Variants in TMEM40 observed in about 807,000 individuals in gnomAD.
The protein encoded by TMEM40 is transmembrane protein 40.
A neutral mutation model predicts 40.8 loss-of-function variants in TMEM40; 34 were observed. That is an observed-to-expected ratio of 0.83 (90% confidence interval 0.63 to 1.11). The LOEUF is 1.11. Ranked by LOEUF, TMEM40 falls within the 50% of genes least tolerant of loss-of-function variation. The probability of loss-of-function intolerance (pLI) is 0.00; values close to 1 mark genes in which losing one functional copy is unlikely to be tolerated. For missense variants in TMEM40, 296 were observed against 280.2 expected (o/e 1.06, Z -0.40); for synonymous variants, 106 against 107.0 (o/e 0.99, Z 0.06).
At chr3:12,738,775 A>C (rs1185785744) in intron 5 of TMEM40, 187 bp from the exon 6 acceptor site, 1 of 601,512 alleles carries the variant, frequency 1.7e-6, no homozygotes, top group East Asian at 2.8e-5. Flanking sequence ...CCAGCCACAG[A>C]AAGCTGCTGT....
At position 12,751,787 on chromosome 3, in the gene TMEM40, T is replaced by C. The variant is rs144822492; in HGVS notation, c.-8-1947A>G. Among the ~76,000 whole-genome samples the C allele has an allele frequency of 9.0e-3, 1,364 of 152,254 alleles. 13 individuals are homozygous for C. The highest frequency in any genetic ancestry group is 0.015 in the Non-Finnish European group (1,037 of 68,010). ...GCTGAGATCATCTCTAATGAAGGCA[T>C]TTCAGCTAGAGTGGAGGAAGAGTTG... On this transcript the variant is annotated intron_variant, in intron 1 of 11. Coordinates refer to ENST00000314124, the MANE Select transcript of TMEM40 (RefSeq NM_018306.4).
chr3:12,743,996 G>A lies in TMEM40; in HGVS notation c.212-7C>T, dbSNP rs141807836. ...TGGTCCTCATCATTGCTCTCTGCGG[G>A]TAACAAACACAAGCTGTAGGAGAAG... On this transcript the variant is annotated splice_polypyrimidine_tract_variant and splice_region_variant and intron_variant, in intron 3 of 11. Coordinates refer to ENST00000314124, the MANE Select transcript of TMEM40 (RefSeq NM_018306.4). The A allele has an allele frequency of 3.6e-3, 5,870 of 1,609,822 alleles. 11 individuals are homozygous for A. Among genetic ancestry groups the A allele is most frequent in the Non-Finnish European group, 4.4e-3 (5,224 of 1,178,214 alleles).
chr3:12,737,911 C>T, intron 7 of TMEM40, 157 bp from the exon 8 acceptor site: 1 of 917,018 alleles, frequency 1.1e-6, no homozygotes, highest in Non-Finnish European at 1.7e-6. Flanking sequence ...GATGGGGGTA[C>T]TGTCCTTGGA....
At chr3:12,745,051 A>T (rs918457379) in intron 3 of TMEM40, among the ~76,000 whole-genome samples, 1 of 152,158 alleles carries the variant, frequency 6.6e-6, no homozygotes, top group Non-Finnish European at 1.5e-5. Context: ...TAGAAAATAA[A>T]GTAAAAATTA....
chr3:12,741,753 A>G (rs1158265554), intron 5 of TMEM40, among the ~76,000 whole-genome samples: 2 of 141,810 alleles, frequency 1.4e-5, no homozygotes, highest in East Asian at 3.9e-4. Flanking sequence ...ACCAGATTAT[A>G]CTTGTTTTTG....
At chr3:12,744,959 C>G (rs1406670744) in intron 3 of TMEM40, among the ~76,000 whole-genome samples, 1 of 152,062 alleles carries the variant, frequency 6.6e-6, no homozygotes, top group Admixed American at 6.5e-5. Flanking sequence ...TTCTTCTTTT[C>G]TATATTTTAC....
upstream of TMEM40, among the ~76,000 whole-genome samples, chr3:12,764,209 C>T (rs902164973): frequency 1.3e-5 from 2 of 152,152 alleles, no homozygotes; most frequent in South Asian, 2.1e-4. Flanking sequence ...CTGCCGTGCC[C>T]GGCTACATGA....
At chr3:12,746,659 C>T (rs941646896) in intron 3 of TMEM40, among the ~76,000 whole-genome samples, 5 of 152,170 alleles carry the variant, frequency 3.3e-5, no homozygotes, top group Admixed American at 6.5e-5. Context: ...GGCAGCAGGT[C>T]AGTCACCGTA....
rs913879963 is a variant in TMEM40, at chr3:12,734,141, C to T, written c.*633G>A. On this transcript the variant is annotated 3_prime_UTR_variant, in exon 12 of 12. Coordinates refer to ENST00000314124, the MANE Select transcript of TMEM40 (RefSeq NM_018306.4). Reference sequence around the variant, plus strand: ...GTTGCCCAGGTTGGTCTTGAACTCTCAGCTTCAAGCGACCCTTAGCCTGAG... The same window carrying T: ...GTTGCCCAGGTTGGTCTTGAACTCTTAGCTTCAAGCGACCCTTAGCCTGAG... 1 of 152,214 alleles carries T rather than the reference C, an allele frequency of 6.6e-6. No homozygotes were observed. Among genetic ancestry groups the T allele is most frequent in the African/African-American group, 2.4e-5 (1 of 41,404 alleles). The allele number at this position is 152,214 out of a possible 1,614,324, so 9.4% of individuals were successfully genotyped here. A position where few individuals can be genotyped will look rare whatever the true frequency, so the allele number is the denominator to read the frequency against.
At chr3:12,734,874 G>C (rs1475639335) in intron 11 of TMEM40, 81 bp from the exon 12 acceptor site, 8 of 1,511,860 alleles carry the variant, frequency 5.3e-6, no homozygotes, top group Non-Finnish European at 7.2e-6. Flanking sequence ...AGATGCCCAA[G>C]TACCCCTCAC....
intron 9 of TMEM40, 47 bp from the exon 10 acceptor site, chr3:12,736,699 G>GC (rs1559523575): frequency 6.2e-7 from 1 of 1,613,252 alleles, no homozygotes; most frequent in Admixed American, 1.7e-5. Context: ...AGGTCTTGAC[G>GC]CCCCTGCCCC....
At chr3:12,767,358 G>A (rs1304126006) in intron 1 of TMEM40, among the ~76,000 whole-genome samples, 1 of 152,178 alleles carries the variant, frequency 6.6e-6, no homozygotes, top group Non-Finnish European at 1.5e-5. Flanking sequence ...AGAAGAGCAA[G>A]TGGGGACAAC....
chr3:12,769,081 C>G (rs2061609831), intron 1 of TMEM40, among the ~76,000 whole-genome samples: 1 of 152,082 alleles, frequency 6.6e-6, no homozygotes, highest in South Asian at 2.1e-4. Context: ...GCTGGGGTAC[C>G]CGGCGCACCC....
chr3:12,734,721 T>A lies in TMEM40; in HGVS notation c.*53A>T. ...TGCTCTGCCCTTGTGGGCTCAGGGG[T>A]CGCAGTGGTGGTCACACTGGGGCCT... On this transcript the variant is annotated 3_prime_UTR_variant, in exon 12 of 12. Transcript: ENST00000314124. 6.4e-7 allele frequency: 1 copy of A among 1,567,950 alleles called. No individual in the cohort carries two copies. The highest frequency in any genetic ancestry group is 8.6e-7 in the Non-Finnish European group (1 of 1,157,774).
chr3:12,769,066 G>A (rs992845616), intron 1 of TMEM40, among the ~76,000 whole-genome samples: 21 of 152,120 alleles, frequency 1.4e-4, no homozygotes, highest in Non-Finnish European at 2.5e-4. Context: ...CAGTAGGCTG[G>A]CATTGCTGGG....
chr3:12,757,465 G>A (rs1193857538), intron 1 of TMEM40, among the ~76,000 whole-genome samples: 5 of 134,648 alleles, frequency 3.7e-5, no homozygotes, highest in South Asian at 2.3e-4. Flanking sequence ...CTGAAACTCC[G>A]TCTCAAAAAA....
rs1359870036 is a variant in TMEM40, at chr3:12,755,191, C to CT, written c.-9+3999dup. ...TTCTTTCTCTCTCTCTCCTTCCTTC[C>CT]TTCCTTCCTTTCTTTCTTTCTTTCT... On this transcript the variant is annotated intron_variant, in intron 1 of 11. Coordinates refer to ENST00000314124, the MANE Select transcript of TMEM40 (RefSeq NM_018306.4). 2.1e-3 allele frequency among the ~76,000 whole-genome samples: 193 copies of CT among 93,090 alleles called. 7 individuals are homozygous for CT. The highest frequency in any genetic ancestry group is 6.6e-3 in the South Asian group (23 of 3,486). The allele number at this position is 93,090 out of a possible 152,430, so 61.1% of individuals were successfully genotyped here. A position where few individuals can be genotyped will look rare whatever the true frequency, so the allele number is the denominator to read the frequency against.
intron 6 of TMEM40, 42 bp downstream of exon 6, chr3:12,738,511 A>G: frequency 6.2e-7 from 1 of 1,611,656 alleles, no homozygotes; most frequent in Non-Finnish European, 8.5e-7. Context: ...ACCTGGCTCA[A>G]TACCAGCACC....
At chr3:12,757,080 C>T (rs1272391720) in intron 1 of TMEM40, among the ~76,000 whole-genome samples, 1 of 152,162 alleles carries the variant, frequency 6.6e-6, no homozygotes, top group Non-Finnish European at 1.5e-5. Flanking sequence ...TACAACTCAA[C>T]ATACAGTGAC....
Sources: gnomAD v4.1 joint callset for allele counts (sites outside exome capture counted in the v4.1 genomes callset) on GRCh38, gnomAD v4.1.1 for gene constraint, MANE v1.5 for transcripts, NCBI Gene and HGNC (gene_info 2026-07-23, HGNC 2026-07-21) for gene names.